Variants in CNTNAP5 observed in about 807,000 individuals in gnomAD.
The protein encoded by CNTNAP5 is contactin associated protein family member 5.
In CNTNAP5, 72 loss-of-function variants were observed where a neutral mutation model predicts 150.2. The ratio of observed to expected loss-of-function variants is 0.48; its 90% CI spans 0.40 to 0.58. CNTNAP5 has a LOEUF of 0.58. Among genes scored for constraint, CNTNAP5 ranks in the 20% least tolerant of loss-of-function variants. The pLI, the probability that CNTNAP5 is intolerant of heterozygous loss-of-function variation, is 0.00. For missense variants in CNTNAP5, 1,636 were observed against 1,626.2 expected (o/e 1.01, Z -0.10); for synonymous variants, 672 against 619.8 (o/e 1.08, Z -1.25).
chr2:124,299,537 C>T (rs1055083156), intron 3 of CNTNAP5, among the ~76,000 whole-genome samples: 1 of 152,170 alleles, frequency 6.6e-6, no homozygotes, highest in Non-Finnish European at 1.5e-5. Context: ...TTTATGGCTG[C>T]ATTGTATTCC....
In CNTNAP5 at chr2:124,042,307, T is replaced by A. The variant is rs183142321; in HGVS notation, c.82+16575T>A. On this transcript the variant is annotated intron_variant, in intron 1 of 23. Coordinates refer to ENST00000682447, the MANE Select transcript of CNTNAP5 (RefSeq NM_001367498.1). Reference sequence around the variant, plus strand: ...TTCCTTTTCATTATTTCACACCTTTTCCCAAAAAAGGTGATGATACCCTCC... The same window carrying A: ...TTCCTTTTCATTATTTCACACCTTTACCCAAAAAAGGTGATGATACCCTCC... 7.3e-3 allele frequency among the ~76,000 whole-genome samples: 1,106 copies of A among 152,292 alleles called. 9 individuals are homozygous for A. The highest frequency in any genetic ancestry group is 0.012 in the Non-Finnish European group (817 of 68,032).
At chr2:124,164,417 G>C (rs1397650693) in intron 1 of CNTNAP5, among the ~76,000 whole-genome samples, 1 of 152,192 alleles carries the variant, frequency 6.6e-6, no homozygotes, top group African/African-American at 2.4e-5. Flanking sequence ...TCAGATAGCT[G>C]TAAGTGACAA....
chr2:124,073,089 C>T (rs894710280), intron 1 of CNTNAP5, among the ~76,000 whole-genome samples: 4 of 151,906 alleles, frequency 2.6e-5, no homozygotes, highest in Admixed American at 2.6e-4. Context: ...TACAAAGTTG[C>T]CAAGGACATA....
intron 5 of CNTNAP5, among the ~76,000 whole-genome samples, chr2:124,442,212 C>A (rs568931677): frequency 1.3e-5 from 2 of 152,110 alleles, no homozygotes; most frequent in Non-Finnish European, 2.9e-5. Flanking sequence ...GTTACTGATG[C>A]TAGCTCTGCT....
At chr2:124,348,824 A>G (rs1573932342) in intron 3 of CNTNAP5, among the ~76,000 whole-genome samples, 1 of 152,136 alleles carries the variant, frequency 6.6e-6, no homozygotes, top group Non-Finnish European at 1.5e-5. Context: ...GGATATAAAC[A>G]TTGTGTGTAC....
At chr2:124,025,922 C>T (rs149702803) in intron 1 of CNTNAP5, among the ~76,000 whole-genome samples, 190 bp downstream of exon 1, 2 of 152,148 alleles carry the variant, frequency 1.3e-5, no homozygotes, top group Non-Finnish European at 2.9e-5. Flanking sequence ...GCCAACCGTG[C>T]TGGATTTCCT....
chr2:124,143,885 A>G (rs1462093423), intron 1 of CNTNAP5, among the ~76,000 whole-genome samples: 1 of 104,886 alleles, frequency 9.5e-6, no homozygotes, highest in Non-Finnish European at 1.9e-5. Context: ...TTGTTTATCT[A>G]GAAAACCCCA....
chr2:124,399,943 A>G (rs1345953453), intron 3 of CNTNAP5, among the ~76,000 whole-genome samples: 1 of 152,184 alleles, frequency 6.6e-6, no homozygotes, highest in Non-Finnish European at 1.5e-5. Context: ...ACGTCATACC[A>G]GTTTCCTCTT....
intron 17 of CNTNAP5, among the ~76,000 whole-genome samples, chr2:124,787,029 G>A (rs72980447): frequency 0.043 from 6,590 of 152,150 alleles, 501 homozygotes; most frequent in African/African-American, 0.15. Flanking sequence ...ACCAGGTTCT[G>A]TAAGTCTCAA....
intron 10 of CNTNAP5, among the ~76,000 whole-genome samples, chr2:124,540,767 C>T (rs182350581): frequency 1.3e-5 from 2 of 152,208 alleles, no homozygotes; most frequent in East Asian, 3.9e-4. Flanking sequence ...TGAGGATATA[C>T]TTGAGTGCCG....
In CNTNAP5 at chr2:124,434,633, G is replaced by T. The variant is rs768877841; in HGVS notation, c.679G>T (p.Asp227Tyr). 1 of 1,613,828 alleles carries T rather than the reference G, an allele frequency of 6.2e-7. No individual in the cohort carries two copies. Among genetic ancestry groups the T allele is most frequent in the South Asian group, 1.1e-5 (1 of 91,072 alleles). The part of the protein sequence containing the change: ...VLFHGEGQRG[D>Y]HITLELQKGR... Reference sequence around the variant, plus strand: ...GTTCCATGGAGAAGGTCAGCGTGGAGACCACATCACCTTGGAACTCCAGAA... The same window carrying T: ...GTTCCATGGAGAAGGTCAGCGTGGATACCACATCACCTTGGAACTCCAGAA... The change falls in exon 5 of 24, where the codon GAC becomes TAC. Residue 227 changes from aspartate to tyrosine, a missense_variant. By Grantham distance (160) the Asp-to-Tyr change is radical (BLOSUM62 -3). Transcript: ENST00000682447.
chr2:124,376,980 T>C (rs1690664466), intron 3 of CNTNAP5, among the ~76,000 whole-genome samples: 1 of 152,114 alleles, frequency 6.6e-6, no homozygotes, highest in Non-Finnish European at 1.5e-5. Flanking sequence ...GTTTTGGGGA[T>C]GTGAGCCTGT....
chr2:124,874,999 G>A (rs925891373), intron 21 of CNTNAP5, among the ~76,000 whole-genome samples: 1 of 151,984 alleles, frequency 6.6e-6, no homozygotes. Flanking sequence ...TTCTCAAGAT[G>A]CATAAAATTT....
chr2:124,543,705 C>T (rs1193778765), intron 10 of CNTNAP5, among the ~76,000 whole-genome samples: 5 of 152,100 alleles, frequency 3.3e-5, no homozygotes, highest in African/African-American at 1.2e-4. Context: ...TCAGAAGTGC[C>T]TGGCAGAAAC....
chr2:124,505,758 A>C (rs899112767), intron 8 of CNTNAP5, among the ~76,000 whole-genome samples: 1 of 151,694 alleles, frequency 6.6e-6, no homozygotes, highest in South Asian at 2.1e-4. Context: ...TGTATTTACT[A>C]AGTTGACAAA....
chr2:124,105,033 C>CA (rs879511006), intron 1 of CNTNAP5, among the ~76,000 whole-genome samples: 14,060 of 151,700 alleles, frequency 0.093, 776 homozygotes, highest in Non-Finnish European at 0.13. Flanking sequence ...TTCAGAGCTG[C>CA]TCTACACATA....
At chr2:124,490,234 T>A (rs912241738) in intron 7 of CNTNAP5, among the ~76,000 whole-genome samples, 12 of 151,708 alleles carry the variant, frequency 7.9e-5, no homozygotes, top group South Asian at 2.1e-4. Flanking sequence ...CTTGGGAGGC[T>A]GAGGCAGGAG....
At chr2:124,180,798 A>C (rs937583939) in intron 1 of CNTNAP5, among the ~76,000 whole-genome samples, 16 of 134,744 alleles carry the variant, frequency 1.2e-4, no homozygotes, top group African/African-American at 4.6e-4. Flanking sequence ...CAAATAATTC[A>C]AGCTCTGCTG....
At chr2:124,289,275 G>T (rs1362561006) in intron 3 of CNTNAP5, among the ~76,000 whole-genome samples, 1 of 152,068 alleles carries the variant, frequency 6.6e-6, no homozygotes, top group Non-Finnish European at 1.5e-5. Context: ...TCACTGTATT[G>T]CTCTAATAAA....
Sources: allele counts gnomAD v4.1 joint callset (sites outside exome capture counted in the v4.1 genomes callset), GRCh38; gene constraint gnomAD v4.1.1; transcripts MANE v1.5; gene names NCBI Gene and HGNC (gene_info 2026-07-23, HGNC 2026-07-21).